ARHGEF12: variants seen among roughly 807,000 people sequenced by gnomAD.
ARHGEF12 encodes the protein Rho guanine nucleotide exchange factor 12, also known as KMT2A/ARHGEF12 fusion protein.
ARHGEF12 carries 66 observed loss-of-function variants against 211.2 expected under a neutral mutation model. That is an observed-to-expected ratio of 0.31 (90% CI 0.26 to 0.38). ARHGEF12 has a LOEUF of 0.38. Among genes scored for constraint, ARHGEF12 ranks in the 10% least tolerant of loss-of-function variants. The pLI, the probability that ARHGEF12 is intolerant of heterozygous loss-of-function variation, is 1.00. For synonymous variants in ARHGEF12, 592 were observed against 638.4 expected (o/e 0.93, Z 1.09); for missense variants, 1,429 against 1,869.5 (o/e 0.76, Z 4.34).
chr11:120,434,132 A>G (rs1324822763), intron 11 of ARHGEF12, among the ~76,000 whole-genome samples: 2 of 152,226 alleles, frequency 1.3e-5, no homozygotes, highest in African/African-American at 4.8e-5. Context: ...TATCTGTGGA[A>G]AATGATTTGG....
Position 120,421,760 on chromosome 11 carries a change from A to T in ARHGEF12, c.299-43A>T, listed in dbSNP as rs375592171. 5.7e-5 allele frequency: 90 copies of T among 1,567,210 alleles called. No individual in the cohort carries two copies. In the African/African-American group the frequency reaches 1.0e-3, roughly 18 times the overall value. On this transcript the variant is annotated intron_variant, in intron 5 of 40. Transcript: ENST00000397843. Reference sequence around the variant, plus strand: ...CTCTCTGTCAGGAAGATGATCAGTAAATGCAAATGAATCACATTTTAAGCA... The same window carrying T: ...CTCTCTGTCAGGAAGATGATCAGTATATGCAAATGAATCACATTTTAAGCA...
In ARHGEF12 at chr11:120,448,218, G is replaced by T. The variant is rs369790193; in HGVS notation, c.1623-16G>T. 1.9e-6 allele frequency: 3 copies of T among 1,576,614 alleles called. No homozygotes were observed. Among genetic ancestry groups the T allele is most frequent in the Non-Finnish European group, 2.6e-6 (3 of 1,151,422 alleles). ...CTTCTCAGAAGTCTTAATTTACTTC[G>T]TCCTTTCTCCTCCAGCTCCACCATG... On this transcript the variant is annotated splice_polypyrimidine_tract_variant and intron_variant, in intron 19 of 40. Coordinates refer to ENST00000397843, the MANE Select transcript of ARHGEF12 (RefSeq NM_015313.3).
intron 29 of ARHGEF12, among the ~76,000 whole-genome samples, chr11:120,467,537 G>A (rs569898894): frequency 8.8e-5 from 13 of 147,792 alleles, no homozygotes; most frequent in Middle Eastern, 3.6e-3. Context: ...CAAACTCCTC[G>A]GCTCAGGCAT....
At chr11:120,429,552 A>C in intron 9 of ARHGEF12, 35 bp downstream of exon 9, 2 of 1,604,308 alleles carry the variant, frequency 1.2e-6, no homozygotes, top group Non-Finnish European at 1.7e-6. Context: ...TTACAGGCCA[A>C]TAAAAATGTG....
intron 26 of ARHGEF12, among the ~76,000 whole-genome samples, chr11:120,459,955 G>A (rs779508005): frequency 2.6e-5 from 4 of 152,132 alleles, no homozygotes; most frequent in African/African-American, 4.8e-5. Flanking sequence ...TGATCCACCC[G>A]CCTGCCTTGG....
At chr11:120,351,435 ATATATATATATATATATATAT>A (rs1445379051) in intron 1 of ARHGEF12, among the ~76,000 whole-genome samples, 4 of 3,122 alleles carry the variant, frequency 1.3e-3, no homozygotes, top group African/African-American at 7.4e-3. Flanking sequence ...ATATATATAT[ATATATATATATATATATATAT>A]TTTTTTTTTT....
At chr11:120,370,856 C>T (rs565315159) in intron 1 of ARHGEF12, among the ~76,000 whole-genome samples, 44 of 152,038 alleles carry the variant, frequency 2.9e-4, no homozygotes, top group African/African-American at 1.0e-3. Flanking sequence ...CTCCTTCCCT[C>T]CCTTATCACC....
intron 22 of ARHGEF12, among the ~76,000 whole-genome samples, chr11:120,455,093 T>C (rs538471084): frequency 1.3e-5 from 2 of 152,116 alleles, no homozygotes; most frequent in African/African-American, 4.8e-5. Context: ...ATCAGAAATA[T>C]GAAAGGATAG....
At chr11:120,389,538 A>G (rs1042657029) in intron 1 of ARHGEF12, among the ~76,000 whole-genome samples, 1 of 152,232 alleles carries the variant, frequency 6.6e-6, no homozygotes, top group African/African-American at 2.4e-5. Flanking sequence ...ATAGGCATGC[A>G]ATGTGTAATA....
intron 1 of ARHGEF12, among the ~76,000 whole-genome samples, chr11:120,352,189 C>G (rs1943000411): frequency 6.6e-6 from 1 of 152,090 alleles, no homozygotes; most frequent in Non-Finnish European, 1.5e-5. Flanking sequence ...GGGATTTTGT[C>G]TCATTTGCTC....
chr11:120,477,108 G>A lies in ARHGEF12; in HGVS notation c.3366-111G>A, dbSNP rs1029155663. 20 of 714,664 alleles carry A rather than the reference G, an allele frequency of 2.8e-5. No individual in the cohort carries two copies. The African/African-American group carries it at 3.2e-4, about 11-fold the overall frequency. 44.3% of individuals were successfully genotyped at this position (714,664 alleles called of 1,614,324 possible). On this transcript the variant is annotated intron_variant, in intron 34 of 40. Coordinates refer to ENST00000397843, the MANE Select transcript of ARHGEF12 (RefSeq NM_015313.3). Reference sequence around the variant, plus strand: ...TGTTGTTGTTGTTGTTGTTGTTGTTGTTGTTGTTGTTGGTTGATTTGGTTT... The same window carrying A: ...TGTTGTTGTTGTTGTTGTTGTTGTTATTGTTGTTGTTGGTTGATTTGGTTT...
chr11:120,482,410 C>A (rs1174294080), intron 39 of ARHGEF12, among the ~76,000 whole-genome samples: 1 of 152,098 alleles, frequency 6.6e-6, no homozygotes, highest in East Asian at 1.9e-4. Context: ...TATTGCAAAA[C>A]TGACTTGTGT....
At chr11:120,383,545 ATCAAGCATTAGATTT>A (rs1300537327) in intron 1 of ARHGEF12, among the ~76,000 whole-genome samples, 1 of 152,186 alleles carries the variant, frequency 6.6e-6, no homozygotes, top group African/African-American at 2.4e-5. Context: ...ATGACAGATC[ATCAAGCATTAGATTT>A]TCATAAGGAG....
chr11:120,337,601 T>G, intron 1 of ARHGEF12: 1 of 985,398 alleles, frequency 1.0e-6, no homozygotes, highest in Non-Finnish European at 1.2e-6. Context: ...TAGGTGAAGG[T>G]CGGTGCCTGA....
At chr11:120,381,595 C>T (rs1943881732) in intron 1 of ARHGEF12, among the ~76,000 whole-genome samples, 1 of 152,184 alleles carries the variant, frequency 6.6e-6, no homozygotes, top group South Asian at 2.1e-4. Context: ...CAGTTAGTTT[C>T]ATTTGTCGCA....
chr11:120,373,605 A>C (rs985242957), intron 1 of ARHGEF12, among the ~76,000 whole-genome samples: 2 of 152,176 alleles, frequency 1.3e-5, no homozygotes, highest in Non-Finnish European at 2.9e-5. Context: ...ACGATATTCT[A>C]TTATATAATT....
chr11:120,336,442 A>C lies in ARHGEF12; in HGVS notation c.-802A>C, dbSNP rs1203720337. The stretch of plus-strand genomic sequence containing the variant: ...CCCGGCGAGCCGGCCCTGCGCCGGG[A>C]GACGCCGCCGCCTCCGCCTCCCGGA... On this transcript the variant is annotated 5_prime_UTR_variant, in exon 1 of 41. Transcript: ENST00000397843. 6.6e-6 allele frequency among the ~76,000 whole-genome samples: 1 copy of C among 151,210 alleles called. No homozygotes were observed. The highest frequency in any genetic ancestry group is 1.5e-5 in the Non-Finnish European group (1 of 67,728).
intron 1 of ARHGEF12, among the ~76,000 whole-genome samples, chr11:120,373,743 A>G (rs896393150): frequency 5.3e-5 from 8 of 151,938 alleles, no homozygotes; most frequent in African/African-American, 1.9e-4. Flanking sequence ...AGCAACTATT[A>G]TCTTGATAAT....
At chr11:120,451,369 G>A (rs1272430847) in intron 21 of ARHGEF12, 143 bp from the exon 22 acceptor site, 52 of 654,364 alleles carry the variant, frequency 7.9e-5, no homozygotes, top group Non-Finnish European at 1.8e-5. Flanking sequence ...AATAGAGACG[G>A]GGTTTCACCA....
Sources: allele counts gnomAD v4.1 joint callset (sites outside exome capture counted in the v4.1 genomes callset), GRCh38; gene constraint gnomAD v4.1.1; transcripts MANE v1.5; gene names NCBI Gene and HGNC (gene_info 2026-07-23, HGNC 2026-07-21).